The following CTNNA3 variants were observed in gnomAD, a reference collection of about 807,000 sequenced individuals.
CTNNA3 encodes catenin alpha 3.
Under a neutral mutation model 95.7 loss-of-function variants are expected in CTNNA3, and 76 were observed. The observed-to-expected ratio is 0.79, with a 90% CI of 0.66 to 0.96. The LOEUF (loss-of-function observed/expected upper bound fraction) is 0.96. CTNNA3 is among the 40% of genes least tolerant of loss of function. CTNNA3 has a pLI of 0.00. For missense variants in CTNNA3, 1,191 were observed against 1,089.8 expected, an observed-to-expected ratio of 1.09 and a Z score of -1.31; for synonymous variants, 431 against 374.4, an observed-to-expected ratio of 1.15 and a Z score of -1.74.
rs377580361 is a variant in CTNNA3, at chr10:65,950,157, A to AACAC, written c.2400+16451_2400+16454dup. ...TGGAATTTCATTGATTTTGCTAGGG[A>AACAC]ACACACACACACACACACACAAACA... On this transcript the variant is annotated intron_variant, in intron 17 of 17. Transcript: ENST00000433211. Among the ~76,000 whole-genome samples the AACAC allele has an allele frequency of 6.9e-3, 1,037 of 150,318 alleles. 11 individuals carry two copies. The highest frequency in any genetic ancestry group is 0.022 in the African/African-American group (892 of 41,088).
chr10:66,394,979 GC>G (rs1227728143), intron 11 of CTNNA3, among the ~76,000 whole-genome samples: 1 of 151,896 alleles, frequency 6.6e-6, no homozygotes, highest in East Asian at 1.9e-4. Flanking sequence ...TAAATGAGTT[GC>G]TGATAACCTG....
intron 1 of CTNNA3, among the ~76,000 whole-genome samples, chr10:67,710,671 T>C (rs1425815265): frequency 6.6e-6 from 1 of 152,184 alleles, no homozygotes; most frequent in East Asian, 1.9e-4. Context: ...GGGTACTGGG[T>C]GTAGACACAG....
At chr10:66,396,579 A>G (rs1351458743) in intron 11 of CTNNA3, among the ~76,000 whole-genome samples, 7 of 152,028 alleles carry the variant, frequency 4.6e-5, no homozygotes, top group Admixed American at 4.6e-4. Context: ...AGAAATGTTT[A>G]TGAGTAATTT....
intron 12 of CTNNA3, among the ~76,000 whole-genome samples, chr10:66,354,290 T>C (rs899369928): frequency 8.7e-6 from 1 of 114,414 alleles, no homozygotes; most frequent in African/African-American, 3.0e-5. Flanking sequence ...ATCTCAAAAA[T>C]AAAAAAAAAA....
intron 14 of CTNNA3, chr10:66,097,939 C>T (rs2081462987): frequency 1.3e-5 from 2 of 152,080 alleles, no homozygotes; most frequent in South Asian, 4.1e-4. Context: ...GTGGTGGGAA[C>T]TAACTTTGGA....
At chr10:67,525,840 A>G (rs1840123472) in intron 4 of CTNNA3, among the ~76,000 whole-genome samples, 3 of 152,230 alleles carry the variant, frequency 2.0e-5, no homozygotes, top group Non-Finnish European at 4.4e-5. Context: ...AGCCAGCTCC[A>G]CAGTCATCAT....
chr10:66,170,609 T>C (rs1307709572), intron 13 of CTNNA3, among the ~76,000 whole-genome samples: 1 of 150,958 alleles, frequency 6.6e-6, no homozygotes, highest in Non-Finnish European at 1.5e-5. Context: ...GAAATGAATA[T>C]CACAAACTGA....
intron 7 of CTNNA3, among the ~76,000 whole-genome samples, chr10:66,863,098 A>T (rs1844008250): frequency 6.6e-6 from 1 of 151,552 alleles, no homozygotes; most frequent in Admixed American, 6.6e-5. Context: ...GAAGGACATC[A>T]TTGACTTTCT....
chr10:67,260,040 A>C (rs1054903933), intron 5 of CTNNA3, among the ~76,000 whole-genome samples: 4 of 152,214 alleles, frequency 2.6e-5, no homozygotes, highest in African/African-American at 9.6e-5. Context: ...CCAGTACCCT[A>C]AAGAATAAAC....
chr10:66,688,824 A>AT (rs922457922), intron 9 of CTNNA3, among the ~76,000 whole-genome samples: 3 of 150,958 alleles, frequency 2.0e-5, no homozygotes, highest in Non-Finnish European at 4.4e-5. Flanking sequence ...ACAAAAAAAA[A>AT]TTAGCCGGGC....
At chr10:66,780,916 C>T (rs1840508982) in intron 7 of CTNNA3, among the ~76,000 whole-genome samples, 2 of 152,076 alleles carry the variant, frequency 1.3e-5, no homozygotes, top group Admixed American at 1.3e-4. Context: ...TATGAAAGGG[C>T]CATGTTCTCT....
chr10:66,318,841 C>T (rs1212746769), intron 12 of CTNNA3, among the ~76,000 whole-genome samples: 1 of 151,952 alleles, frequency 6.6e-6, no homozygotes, highest in African/African-American at 2.4e-5. Flanking sequence ...CTTTTGAGAA[C>T]CTTCTTGCAT....
At chr10:67,204,865 C>T (rs1275286688) in intron 6 of CTNNA3, among the ~76,000 whole-genome samples, 2 of 152,102 alleles carry the variant, frequency 1.3e-5, no homozygotes, top group South Asian at 2.1e-4. Flanking sequence ...TTGGGTGGGG[C>T]CACATGACAG....
intron 11 of CTNNA3, among the ~76,000 whole-genome samples, chr10:66,454,659 A>C (rs2093484353): frequency 6.6e-6 from 1 of 152,120 alleles, no homozygotes; most frequent in African/African-American, 2.4e-5. Context: ...AACATTTAGA[A>C]GTAATGCCAA....
At chr10:66,491,991 A>T (rs1352506395) in intron 11 of CTNNA3, among the ~76,000 whole-genome samples, 4 of 152,008 alleles carry the variant, frequency 2.6e-5, no homozygotes, top group Non-Finnish European at 4.4e-5. Context: ...TCAATCCACC[A>T]GGGATTGTTC....
intron 9 of CTNNA3, among the ~76,000 whole-genome samples, chr10:66,721,384 T>G (rs1472795472): frequency 2.0e-5 from 3 of 152,214 alleles, no homozygotes; most frequent in Non-Finnish European, 2.9e-5. Flanking sequence ...TTTTATAAAA[T>G]TTCTTTGTTT....
intron 5 of CTNNA3, among the ~76,000 whole-genome samples, chr10:67,256,650 T>G (rs1407046458): frequency 6.6e-6 from 1 of 152,142 alleles, no homozygotes; most frequent in Non-Finnish European, 1.5e-5. Context: ...GTGAATTATC[T>G]GGGAATTTAA....
At chr10:66,327,548 G>A (rs1164415338) in intron 12 of CTNNA3, among the ~76,000 whole-genome samples, 1 of 151,846 alleles carries the variant, frequency 6.6e-6, no homozygotes, top group Non-Finnish European at 1.5e-5. Context: ...TGTACATGTG[G>A]CATATATTTC....
intron 13 of CTNNA3, among the ~76,000 whole-genome samples, chr10:66,195,310 T>A (rs1190595952): frequency 3.3e-5 from 5 of 152,158 alleles, no homozygotes; most frequent in African/African-American, 4.8e-5. Flanking sequence ...TAAAATGCAA[T>A]CTTACAGCTG....
Sources: allele counts gnomAD v4.1 joint callset (sites outside exome capture counted in the v4.1 genomes callset), GRCh38; gene constraint gnomAD v4.1.1; transcripts MANE v1.5; gene names NCBI Gene and HGNC (gene_info 2026-07-23, HGNC 2026-07-21).